Variants in CREB5 observed in about 807,000 individuals in gnomAD.
The protein encoded by CREB5 is cAMP responsive element binding protein 5.
A neutral mutation model predicts 57.1 loss-of-function variants in CREB5; 19 were observed. That is an observed-to-expected ratio of 0.33 (90% CI 0.23 to 0.49). The LOEUF is 0.49. Among genes scored for constraint, CREB5 ranks in the 20% least tolerant of loss-of-function variants. The pLI, the probability that CREB5 is intolerant of heterozygous loss-of-function variation, is 0.99. For missense variants in CREB5, 579 were observed against 671.6 expected (o/e 0.86, Z 1.52); for synonymous variants, 238 against 238.3 (o/e 1.00, Z 0.01).
intron 1 of CREB5, among the ~76,000 whole-genome samples, chr7:28,422,235 T>C (rs912100264): frequency 3.3e-5 from 5 of 152,048 alleles, no homozygotes; most frequent in Non-Finnish European, 5.9e-5. Flanking sequence ...ACAGAGAAAA[T>C]TGCAGGAAGG....
chr7:28,505,105 G>A (rs1157654610), intron 3 of CREB5, among the ~76,000 whole-genome samples: 2 of 152,130 alleles, frequency 1.3e-5, no homozygotes, highest in East Asian at 3.9e-4. Context: ...TGTAAACCAG[G>A]AAAAATAATT....
chr7:28,508,243 G>A (rs145530500), intron 4 of CREB5, among the ~76,000 whole-genome samples: 226 of 152,294 alleles, frequency 1.5e-3, no homozygotes, highest in Middle Eastern at 0.01. Context: ...TGAATCATTT[G>A]TTCTTAAAAA....
At chr7:28,624,305 A>G (rs1797917247) in intron 5 of CREB5, among the ~76,000 whole-genome samples, 1 of 152,190 alleles carries the variant, frequency 6.6e-6, no homozygotes, top group South Asian at 2.1e-4. Context: ...ACTTGAGCCT[A>G]TCTATGTCAG....
At chr7:28,532,732 A>G (rs901683927) in intron 4 of CREB5, among the ~76,000 whole-genome samples, 1 of 152,270 alleles carries the variant, frequency 6.6e-6, no homozygotes, top group Non-Finnish European at 1.5e-5. Context: ...TTTGATCAGC[A>G]GGATAACATA....
chr7:28,403,177 A>C (rs1022661236), intron 1 of CREB5, among the ~76,000 whole-genome samples: 1 of 152,214 alleles, frequency 6.6e-6, no homozygotes, highest in African/African-American at 2.4e-5. Context: ...CTCAGTGCAG[A>C]TTTGTTAACC....
chr7:28,441,265 G>A (rs1028935735), intron 1 of CREB5, among the ~76,000 whole-genome samples: 2 of 152,192 alleles, frequency 1.3e-5, no homozygotes, highest in Admixed American at 1.3e-4. Context: ...TGAGGCTGTC[G>A]AGCTGGGCCA....
chr7:28,445,583 G>A (rs1292420972), intron 1 of CREB5, among the ~76,000 whole-genome samples: 3 of 150,826 alleles, frequency 2.0e-5, no homozygotes, highest in African/African-American at 7.3e-5. Flanking sequence ...ACGGAATCTC[G>A]CTCTGTTGCC....
chr7:28,608,434 A>C (rs1583410936), intron 5 of CREB5, among the ~76,000 whole-genome samples: 2 of 152,116 alleles, frequency 1.3e-5, no homozygotes, highest in East Asian at 3.9e-4. Flanking sequence ...GAGTTGTTAA[A>C]GGGGAAACAG....
intron 1 of CREB5, among the ~76,000 whole-genome samples, chr7:28,347,894 G>T (rs1341651884): frequency 3.3e-5 from 5 of 152,192 alleles, no homozygotes; most frequent in South Asian, 2.1e-4. Context: ...CAAACCACTT[G>T]TAAGCAGAGC....
intron 5 of CREB5, among the ~76,000 whole-genome samples, chr7:28,684,487 T>A (rs1257624307): frequency 6.6e-6 from 1 of 152,228 alleles, no homozygotes; most frequent in African/African-American, 2.4e-5. Flanking sequence ...TTTTTAACTC[T>A]TCACCCTGAG....
intron 7 of CREB5, among the ~76,000 whole-genome samples, chr7:28,769,992 G>C (rs1009823982): frequency 1.3e-5 from 2 of 152,176 alleles, no homozygotes; most frequent in East Asian, 3.8e-4. Context: ...CCATAGTTCT[G>C]TACAACTGTG....
intron 3 of CREB5, among the ~76,000 whole-genome samples, chr7:28,503,175 A>G (rs998254579): frequency 2.0e-5 from 3 of 152,182 alleles, no homozygotes; most frequent in Non-Finnish European, 4.4e-5. Flanking sequence ...GTTTGTAGCA[A>G]TCTGCTGGAT....
chr7:28,371,781 C>T (rs1009483009), intron 1 of CREB5, among the ~76,000 whole-genome samples: 2 of 152,156 alleles, frequency 1.3e-5, no homozygotes, highest in Non-Finnish European at 1.5e-5. Flanking sequence ...GTTGCTTATG[C>T]GTGTCCTCCA....
chr7:28,478,612 G>A (rs1791181905), intron 1 of CREB5, among the ~76,000 whole-genome samples: 1 of 152,136 alleles, frequency 6.6e-6, no homozygotes, highest in Non-Finnish European at 1.5e-5. Context: ...TCTCTATGAT[G>A]GAGCTGTCCT....
chr7:28,571,595 T>C (rs1795707000), intron 5 of CREB5, among the ~76,000 whole-genome samples: 1 of 152,194 alleles, frequency 6.6e-6, no homozygotes, highest in South Asian at 2.1e-4. Context: ...GGAAAGAGCT[T>C]TCCCTTCTGG....
intron 5 of CREB5, among the ~76,000 whole-genome samples, chr7:28,598,227 C>A (rs1349967769): frequency 6.6e-6 from 1 of 152,110 alleles, no homozygotes; most frequent in Non-Finnish European, 1.5e-5. Context: ...TCAGGGGTTT[C>A]CGCTTTTGCT....
At chr7:28,537,428 C>T (rs1794010024) in intron 4 of CREB5, among the ~76,000 whole-genome samples, 1 of 149,262 alleles carries the variant, frequency 6.7e-6, no homozygotes, top group Non-Finnish European at 1.5e-5. Flanking sequence ...GAGCATATGG[C>T]CATTTAAAAT....
upstream of CREB5, among the ~76,000 whole-genome samples, chr7:28,411,652 G>T (rs1423158011): frequency 2.0e-5 from 3 of 152,130 alleles, no homozygotes; most frequent in Non-Finnish European, 4.4e-5. Context: ...GAGGGGATTG[G>T]AGTGGTCCCT....
chr7:28,561,001 T>TGTGTGCGTGC (rs1562798396), intron 4 of CREB5, among the ~76,000 whole-genome samples: 39 of 25,270 alleles, frequency 1.5e-3, no homozygotes, highest in South Asian at 9.8e-3. Flanking sequence ...TGTGCCTGCG[T>TGTGTGCGTGC]GTGCGTGTGT....
Sources: gnomAD v4.1 joint callset for allele counts (sites outside exome capture counted in the v4.1 genomes callset) on GRCh38, gnomAD v4.1.1 for gene constraint, MANE v1.5 for transcripts, NCBI Gene and HGNC (gene_info 2026-07-23, HGNC 2026-07-21) for gene names.